The following LARP1 variants were observed in gnomAD, a reference collection of about 807,000 sequenced individuals.
LARP1 encodes the protein La ribonucleoprotein 1, translational regulator.
LARP1 carries 36 observed loss-of-function variants against 122.7 expected under a neutral mutation model. The ratio of observed to expected loss-of-function variants is 0.29; its 90% CI spans 0.22 to 0.39. The LOEUF is 0.39. Among genes scored for constraint, LARP1 ranks in the 10% least tolerant of loss-of-function variants. The pLI is 1.00. For synonymous variants in LARP1, 539 were observed against 528.7 expected (o/e 1.02, Z -0.27); for missense variants, 1,040 against 1,403.6 (o/e 0.74, Z 4.14).
intron 1 of LARP1, among the ~76,000 whole-genome samples, chr5:154,718,101 T>C (rs908887977): frequency 6.6e-6 from 1 of 152,076 alleles, no homozygotes; most frequent in African/African-American, 2.4e-5. Context: ...ATTTTTTTTT[T>C]TGTAGAAACG....
At chr5:154,780,045 G>A (rs570662021) in intron 1 of LARP1, among the ~76,000 whole-genome samples, 1 of 152,156 alleles carries the variant, frequency 6.6e-6, no homozygotes, top group East Asian at 1.9e-4. Context: ...AAGCAAGGCT[G>A]CCTGGCCAGG....
intron 4 of LARP1, among the ~76,000 whole-genome samples, chr5:154,793,375 G>C (rs2113781432): frequency 6.6e-6 from 1 of 152,306 alleles, no homozygotes; most frequent in South Asian, 2.1e-4. Flanking sequence ...TGGAGACACT[G>C]ATCTTGGGAG....
chr5:154,798,439 T>G (rs1211459470), intron 8 of LARP1, among the ~76,000 whole-genome samples: 1 of 152,250 alleles, frequency 6.6e-6, no homozygotes, highest in Non-Finnish European at 1.5e-5. Flanking sequence ...TAGAAAGATA[T>G]TCCTCATTCC....
At chr5:154,691,529 T>C (rs1754207691) in intron 1 of LARP1, among the ~76,000 whole-genome samples, 1 of 152,158 alleles carries the variant, frequency 6.6e-6, no homozygotes, top group African/African-American at 2.4e-5. Flanking sequence ...CCCACTCTGC[T>C]CCTGCCCGAC....
chr5:154,786,619 C>G (rs1756908823), intron 1 of LARP1: 3 of 382,220 alleles, frequency 7.8e-6, no homozygotes, highest in South Asian at 5.4e-5. Context: ...ACTGTTTACT[C>G]AGAAAAACAA....
At chr5:154,701,439 G>C (rs945550675) in intron 1 of LARP1, among the ~76,000 whole-genome samples, 1 of 152,076 alleles carries the variant, frequency 6.6e-6, no homozygotes, top group Non-Finnish European at 1.5e-5. Flanking sequence ...TGTTGCTTGG[G>C]AAGCCTCCCC....
chr5:154,761,834 C>G (rs747057300), intron 1 of LARP1, among the ~76,000 whole-genome samples: 1 of 152,160 alleles, frequency 6.6e-6, no homozygotes, highest in Non-Finnish European at 1.5e-5. Flanking sequence ...ACTTTGTGAC[C>G]TTAGATTGTT....
intron 1 of LARP1, among the ~76,000 whole-genome samples, chr5:154,732,229 A>G (rs1056581133): frequency 6.6e-6 from 1 of 152,118 alleles, no homozygotes; most frequent in African/African-American, 2.4e-5. Context: ...GGTGCAAACC[A>G]TATAATTTAC....
chr5:154,770,232 A>ATT (rs113245853), intron 1 of LARP1, among the ~76,000 whole-genome samples: 14 of 141,280 alleles, frequency 9.9e-5, no homozygotes, highest in African/African-American at 3.1e-4. Context: ...CTTGGGCCTG[A>ATT]TTTTTTTTTT....
chr5:154,809,824 G>C (rs1298950168), intron 16 of LARP1, among the ~76,000 whole-genome samples: 1 of 150,556 alleles, frequency 6.6e-6, no homozygotes, highest in Non-Finnish European at 1.5e-5. Context: ...TCCTGCCTCA[G>C]CCTACCGAGT....
Position 154,688,531 on chromosome 5 carries a change from G to A in LARP1, c.-180+5494G>A, listed in dbSNP as rs118070303. 1.4e-3 allele frequency among the ~76,000 whole-genome samples: 217 copies of A among 151,262 alleles called. 2 individuals are homozygous for A. In the East Asian group the frequency reaches 0.034, roughly 24 times the overall value. On this transcript the variant is annotated intron_variant, in intron 1 of 18. Transcript: ENST00000687700. The stretch of plus-strand genomic sequence containing the variant: ...TTATCCAGGTGTGGTGGTGGATGCC[G>A]GTCATCCTAGCTACTTGGGAGGCTG...
At chr5:154,713,062 G>C in exon 1 of LARP1, 2 of 1,614,180 alleles carry the variant, frequency 1.2e-6, no homozygotes, top group Non-Finnish European at 1.7e-6. Flanking sequence ...GCTGCCCCGA[G>C]GAAGGAGCCC....
intron 1 of LARP1, among the ~76,000 whole-genome samples, chr5:154,778,552 C>G (rs1198864640): frequency 6.6e-6 from 1 of 152,142 alleles, no homozygotes; most frequent in Non-Finnish European, 1.5e-5. Flanking sequence ...GGAAAGCCGG[C>G]TGCATTTATG....
intron 1 of LARP1, among the ~76,000 whole-genome samples, chr5:154,775,727 A>G (rs1755824221): frequency 6.6e-6 from 1 of 152,200 alleles, no homozygotes; most frequent in Non-Finnish European, 1.5e-5. Context: ...TAGGGCCTAC[A>G]GGCTTGATCT....
chr5:154,788,729 T>C (rs1757084676), intron 1 of LARP1, among the ~76,000 whole-genome samples: 1 of 151,390 alleles, frequency 6.6e-6, no homozygotes, highest in Admixed American at 6.6e-5. Flanking sequence ...CTGGACCTAC[T>C]AGAACAACTT....
chr5:154,714,807 T>C (rs1455400233), intron 1 of LARP1, among the ~76,000 whole-genome samples: 1 of 152,230 alleles, frequency 6.6e-6, no homozygotes, highest in Non-Finnish European at 1.5e-5. Flanking sequence ...AATAGGGAAC[T>C]CAGGCAGGTA....
rs201848614 is a variant in LARP1 at position 154,742,738 on chromosome 5, A to G, written c.205+29608A>G. On this transcript the variant is annotated intron_variant, in intron 1 of 18. Coordinates refer to the LARP1 transcript ENST00000336314. ...GAGTCAGACCCTGTCTCAAAAAAAA[A>G]AAAAAAGAAAAAAGAAAAAAGAAAA... Among the ~76,000 whole-genome samples the G allele has an allele frequency of 1.8e-3, 266 of 151,830 alleles. 4 individuals carry two copies. In the East Asian group the frequency reaches 0.023, roughly 13 times the overall value.
chr5:154,762,814 C>G (rs1387936037), intron 1 of LARP1, among the ~76,000 whole-genome samples: 1 of 152,104 alleles, frequency 6.6e-6, no homozygotes, highest in Non-Finnish European at 1.5e-5. Context: ...TTTTCTTTGC[C>G]TTAGAATGGA....
chr5:154,814,195 G>C lies in LARP1; in HGVS notation c.*99G>C. 8.2e-7 allele frequency: 1 copy of C among 1,221,882 alleles called. No individual in the cohort carries two copies. Among genetic ancestry groups the C allele is most frequent in the Non-Finnish European group, 1.2e-6 (1 of 856,072 alleles). The allele number at this position is 1,221,882 out of a possible 1,614,324, so 75.7% of individuals were successfully genotyped here. On this transcript the variant is annotated 3_prime_UTR_variant, in exon 19 of 19. Coordinates refer to ENST00000518297, the MANE Select transcript of LARP1 (RefSeq NM_033551.3). ...CAGGAAAGGGGACAATGAAGGGACAGGCCTGGAGTTACTAGGACAGGCCTT... is the reference window on the plus strand; with the variant it reads ...CAGGAAAGGGGACAATGAAGGGACACGCCTGGAGTTACTAGGACAGGCCTT...
Sources: allele counts gnomAD v4.1 joint callset (sites outside exome capture counted in the v4.1 genomes callset), GRCh38; gene constraint gnomAD v4.1.1; transcripts MANE v1.5; gene names NCBI Gene and HGNC (gene_info 2026-07-23, HGNC 2026-07-21).